Variants in HEMGN observed in about 807,000 individuals in gnomAD.
HEMGN encodes the protein erythroid differentiation-associated gene protein.
A neutral mutation model predicts 45.7 loss-of-function variants in HEMGN; 32 were observed. The ratio of observed to expected loss-of-function variants is 0.70; its 90% CI spans 0.53 to 0.94. The LOEUF (loss-of-function observed/expected upper bound fraction) is 0.94, where lower values mean the gene tolerates loss of function less well. HEMGN is among the 40% of genes least tolerant of loss of function. The pLI is 0.00. For missense variants in HEMGN, 530 were observed against 564.2 expected, an observed-to-expected ratio of 0.94 and a Z score of 0.61; for synonymous variants, 183 against 178.6, an observed-to-expected ratio of 1.02 and a Z score of -0.20.
intron 1 of HEMGN, among the ~76,000 whole-genome samples, chr9:97,943,412 A>C (rs1477157669): frequency 6.6e-6 from 1 of 152,226 alleles, no homozygotes; most frequent in Non-Finnish European, 1.5e-5. Flanking sequence ...GAGAAGGAGA[A>C]GGACAGTTTC....
At chr9:97,938,316 CTA>C, upstream of HEMGN, 1 of 598,782 alleles carries the variant, frequency 1.7e-6, no homozygotes, top group South Asian at 2.0e-5. Context: ...GCTAATTCTA[CTA>C]TCTTTATCAC....
chr9:97,944,319 T>C (rs1366873453), intron 1 of HEMGN, among the ~76,000 whole-genome samples: 1 of 152,204 alleles, frequency 6.6e-6, no homozygotes, highest in African/African-American at 2.4e-5. Flanking sequence ...AGAATAGTAG[T>C]ACCATGCCTG....
chr9:97,941,581 CTT>C (rs1288375121), upstream of HEMGN, among the ~76,000 whole-genome samples: 1 of 152,160 alleles, frequency 6.6e-6, no homozygotes, highest in Non-Finnish European at 1.5e-5. Context: ...TCTGGATTAA[CTT>C]ATAACTTGAA....
At chr9:97,941,667 G>T (rs1827154102), upstream of HEMGN, among the ~76,000 whole-genome samples, 1 of 152,232 alleles carries the variant, frequency 6.6e-6, no homozygotes, top group South Asian at 2.1e-4. Flanking sequence ...AGCATTCACA[G>T]ATCAGGAAGA....
At chr9:97,934,849 A>G (rs1449628248) in intron 2 of HEMGN, among the ~76,000 whole-genome samples, 1 of 152,170 alleles carries the variant, frequency 6.6e-6, no homozygotes, top group Non-Finnish European at 1.5e-5. Context: ...AGGCTGCCTC[A>G]GGGGATAGTA....
chr9:97,936,176 T>G lies in HEMGN; in HGVS notation c.168A>C (p.Leu56=), dbSNP rs746747580. Residue 56 remains leucine (L), a synonymous_variant, in exon 2 of 4, where the codon CTA becomes CTC. Transcript: ENST00000616898. ...EVHEKETSQW[L]FGEQKKRKQQ... is the part of the protein sequence containing the mutation. ...CCCTTGTGATGCTACCATACCCAAA[T>G]AGCCATTGTGATGTTTCCTTTTCAT... is the stretch of plus-strand genomic sequence containing the variant. 1 of 1,606,154 alleles carries G rather than the reference T, an allele frequency of 6.2e-7. No individual in the cohort carries two copies. Among genetic ancestry groups the G allele is most frequent in the Middle Eastern group, 1.7e-4 (1 of 6,044 alleles).
chr9:97,931,254 G>C, intron 2 of HEMGN, 33 bp from the exon 3 acceptor site: 1 of 1,495,492 alleles, frequency 6.7e-7, no homozygotes. Flanking sequence ...GTCAGCAGTG[G>C]TACTACAGAA....
intron 2 of HEMGN, among the ~76,000 whole-genome samples, chr9:97,934,283 G>T (rs1827013067): frequency 1.3e-5 from 2 of 152,032 alleles, no homozygotes; most frequent in Non-Finnish European, 2.9e-5. Flanking sequence ...GGAGGCAGAG[G>T]TTGCAGTGAG....
At chr9:97,929,259 A>C (rs1371663117) in intron 3 of HEMGN, among the ~76,000 whole-genome samples, 3 of 152,208 alleles carry the variant, frequency 2.0e-5, no homozygotes, top group Admixed American at 6.5e-5. Context: ...GTAGTTCTTC[A>C]AAACTGGTAT....
chr9:97,933,907 CAAGCCCAG>C, intron 2 of HEMGN, among the ~76,000 whole-genome samples: 1 of 152,228 alleles, frequency 6.6e-6, no homozygotes, highest in Admixed American at 6.5e-5. Context: ...CTCAGCCCAG[CAAGCCCAG>C]AAACCTGATT....
intron 2 of HEMGN, among the ~76,000 whole-genome samples, chr9:97,934,441 AGGGGAGGGGAGG>A (rs1827018530): frequency 2.9e-5 from 1 of 33,948 alleles, no homozygotes; most frequent in East Asian, 1.1e-3. Context: ...GAGGAGGGGG[AGGGGAGGGGAGG>A]GGGGAGGGGA....
rs752427462 is a variant in HEMGN, at chr9:97,930,290, C to T, written c.1105G>A (p.Glu369Lys). 11 of 1,613,918 alleles carry T rather than the reference C, an allele frequency of 6.8e-6. 1 individual carries two copies. The South Asian group carries it at 1.1e-4, about 16-fold the overall frequency. ...ETPGSEKYSPETYQEIPGLEE... is the reference protein window; with the variant it reads ...ETPGSEKYSPKTYQEIPGLEE... ...AGCCCAGGTATTTCTTGATACGTTTCAGGTGAATATTTTTCAGACCCAGGA... is the reference window on the plus strand; with the variant it reads ...AGCCCAGGTATTTCTTGATACGTTTTAGGTGAATATTTTTCAGACCCAGGA... Residue 369 changes from glutamate to lysine, a missense_variant, in exon 3 of 4, where the codon GAA becomes AAA. By Grantham distance (56) the Glu-to-Lys change is moderately conservative (BLOSUM62 1). Coordinates refer to ENST00000616898, the MANE Select transcript of HEMGN (RefSeq NM_197978.3).
chr9:97,931,490 G>C (rs984002417), intron 2 of HEMGN, among the ~76,000 whole-genome samples: 2 of 152,214 alleles, frequency 1.3e-5, no homozygotes, highest in African/African-American at 4.8e-5. Flanking sequence ...GTGCATGCGC[G>C]TATGCGTGCG....
rs1304408669 is a variant in HEMGN at position 97,927,451 on chromosome 9, G to T, written c.1388C>A (p.Pro463Gln). Residue 463 changes from proline to glutamine, a missense_variant, in exon 4 of 4, where the codon CCA (proline) becomes CAA (glutamine). Transcript: ENST00000616898. ...CTCATTCAGAATTGCTGGTATTCCT[G>T]GCTCTTCTTTGGGTTTTTCTTTCAT... ...QEMKEKPKEE[P>Q]GIPAILNESH... 6.2e-7 allele frequency: 1 copy of T among 1,607,736 alleles called. No homozygotes were observed. Among genetic ancestry groups the T allele is most frequent in the Admixed American group, 1.7e-5 (1 of 59,856 alleles).
intron 2 of HEMGN, among the ~76,000 whole-genome samples, chr9:97,932,349 G>A (rs748830446): frequency 2.2e-4 from 33 of 151,928 alleles, no homozygotes; most frequent in South Asian, 1.4e-3. Flanking sequence ...TGAAATTTCC[G>A]TTGTAAAAAA....
At chr9:97,934,449 G>T (rs1330512717) in intron 2 of HEMGN, among the ~76,000 whole-genome samples, 1 of 100,560 alleles carries the variant, frequency 9.9e-6, no homozygotes, top group Non-Finnish European at 2.0e-5. Context: ...GGAGGGGAGG[G>T]GAGGGGGGAG....
chr9:97,930,847 AG>A lies in HEMGN; in HGVS notation c.547del (p.Leu183PhefsTer12). On this transcript the variant is annotated frameshift_variant, in exon 3 of 4. Coordinates refer to ENST00000616898, the MANE Select transcript of HEMGN (RefSeq NM_197978.3). LOFTEE classifies it high-confidence loss of function. ...SPKMYQEISV[L>X]QDNSSKICQD... is the part of the protein sequence containing the mutation. ...GCATATTTTGGAAGAATTGTCTTGA[AG>A]TACAGATATTTCTTGGTACATTTTA... 1 of 1,614,124 alleles carries A rather than the reference AG, an allele frequency of 6.2e-7. No individual in the cohort carries two copies. The highest frequency in any genetic ancestry group is 1.6e-4 in the Middle Eastern group (1 of 6,062).
chr9:97,944,835 G>A (rs890932664), exon 1 of HEMGN: 4 of 152,080 alleles, frequency 2.6e-5, no homozygotes, highest in Non-Finnish European at 5.9e-5. Flanking sequence ...TGGTTGTTCA[G>A]TCTTCTGTCA....
At position 97,927,194 on chromosome 9, in the gene HEMGN, C is replaced by T; in HGVS notation, c.*190G>A. The stretch of plus-strand genomic sequence containing the variant: ...ACACACACACACACACACACACACA[C>T]ACACATTCTAGCATGATATTGTCTA... On this transcript the variant is annotated 3_prime_UTR_variant, in exon 4 of 4. Transcript: ENST00000616898. 1 of 460,074 alleles carries T rather than the reference C, an allele frequency of 2.2e-6. No homozygotes were observed. The highest frequency in any genetic ancestry group is 3.5e-5 in the East Asian group (1 of 28,730). 28.5% of individuals were successfully genotyped at this position (460,074 alleles called of 1,614,324 possible). A position where few individuals can be genotyped will look rare whatever the true frequency, so the allele number is the denominator to read the frequency against.
Sources: allele counts gnomAD v4.1 joint callset (sites outside exome capture counted in the v4.1 genomes callset), GRCh38; gene constraint gnomAD v4.1.1; transcripts MANE v1.5; gene names NCBI Gene and HGNC (gene_info 2026-07-23, HGNC 2026-07-21).